PAN3: variants seen among roughly 807,000 people sequenced by gnomAD.
PAN3 encodes the protein PAN2-PAN3 deadenylation complex subunit PAN3.
A neutral mutation model predicts 96.2 loss-of-function variants in PAN3; 19 were observed. The ratio of observed to expected loss-of-function variants is 0.20; its 90% CI spans 0.14 to 0.29. The LOEUF (loss-of-function observed/expected upper bound fraction) is 0.29. Among genes scored for constraint, PAN3 ranks in the 10% least tolerant of loss-of-function variants. The pLI, the probability that PAN3 is intolerant of heterozygous loss-of-function variation, is 1.00. For missense variants in PAN3, 882 were observed against 1,108.1 expected (o/e 0.80, Z 2.90); for synonymous variants, 433 against 406.6 (o/e 1.06, Z -0.78).
At chr13:28,223,350 C>G (rs1881602320) in intron 6 of PAN3, among the ~76,000 whole-genome samples, 6 of 152,008 alleles carry the variant, frequency 3.9e-5, no homozygotes, top group Admixed American at 3.9e-4. Context: ...GCATATTGAA[C>G]CTATGAACAA....
At chr13:28,289,833 G>C (rs1869510991) in intron 18 of PAN3, among the ~76,000 whole-genome samples, 1 of 152,144 alleles carries the variant, frequency 6.6e-6, no homozygotes. Context: ...AGTGAGCCGA[G>C]ATTGGGCCAC....
At chr13:28,241,273 CAAAA>C (rs1883637539) in intron 6 of PAN3, among the ~76,000 whole-genome samples, 1 of 151,952 alleles carries the variant, frequency 6.6e-6, no homozygotes, top group South Asian at 2.1e-4. Context: ...AAAAAAAGGA[CAAAA>C]GAAAGAAAAA....
chr13:28,281,168 G>A, intron 16 of PAN3, 147 bp from the exon 17 acceptor site: 1 of 662,886 alleles, frequency 1.5e-6, no homozygotes, highest in Middle Eastern at 3.9e-4. Context: ...TATTGTGTTT[G>A]TTTAAAAGTA....
intron 2 of PAN3, among the ~76,000 whole-genome samples, chr13:28,175,633 T>C (rs1025100474): frequency 6.6e-6 from 1 of 152,182 alleles, no homozygotes. Context: ...TTTTAACTTA[T>C]TTCGTGTAGA....
chr13:28,180,495 A>G (rs1279947728), intron 4 of PAN3, among the ~76,000 whole-genome samples: 1 of 152,214 alleles, frequency 6.6e-6, no homozygotes, highest in Non-Finnish European at 1.5e-5. Context: ...GACATATTAC[A>G]CATAGTGAAT....
intron 6 of PAN3, among the ~76,000 whole-genome samples, chr13:28,222,154 G>A (rs1381269173): frequency 6.6e-6 from 1 of 152,052 alleles, no homozygotes; most frequent in Non-Finnish European, 1.5e-5. Context: ...AATTGGAGGA[G>A]TTAAAAATAT....
chr13:28,204,859 T>C (rs1297423444), intron 5 of PAN3, among the ~76,000 whole-genome samples: 1 of 152,226 alleles, frequency 6.6e-6, no homozygotes, highest in East Asian at 1.9e-4. Context: ...ATAATATTAC[T>C]ATTGTTTTAG....
intron 2 of PAN3, among the ~76,000 whole-genome samples, chr13:28,175,104 C>T (rs1874793798): frequency 6.6e-6 from 1 of 151,972 alleles, no homozygotes; most frequent in Non-Finnish European, 1.5e-5. Context: ...GGAAAGTATT[C>T]TAGTGTTTTT....
intron 4 of PAN3, among the ~76,000 whole-genome samples, chr13:28,185,721 CTCA>C (rs1396845217): frequency 2.0e-5 from 3 of 151,992 alleles, no homozygotes; most frequent in Admixed American, 2.0e-4. Flanking sequence ...GTTGGCTGTA[CTCA>C]TCATCTAATT....
intron 6 of PAN3, among the ~76,000 whole-genome samples, chr13:28,247,267 G>C (rs187657938): frequency 2.0e-3 from 296 of 151,754 alleles, no homozygotes; most frequent in African/African-American, 6.8e-3. Context: ...CAGACTATTT[G>C]GATTTATTTT....
chr13:28,203,782 C>A (rs950457286), intron 5 of PAN3, among the ~76,000 whole-genome samples: 7 of 151,540 alleles, frequency 4.6e-5, no homozygotes, highest in African/African-American at 1.7e-4. Flanking sequence ...AGTGAGAAAG[C>A]GTCTCTGCTT....
At chr13:28,274,149 G>A (rs574799029) in intron 14 of PAN3, among the ~76,000 whole-genome samples, 1 of 152,206 alleles carries the variant, frequency 6.6e-6, no homozygotes, top group South Asian at 2.1e-4. Flanking sequence ...GGGCAACACA[G>A]GGAGGAATAT....
intron 4 of PAN3, among the ~76,000 whole-genome samples, chr13:28,185,913 A>G (rs149948015): frequency 1.3e-5 from 2 of 152,310 alleles, no homozygotes; most frequent in Non-Finnish European, 2.9e-5. Context: ...GGGGCCTAGC[A>G]TTATTGATAG....
intron 18 of PAN3, among the ~76,000 whole-genome samples, chr13:28,289,462 G>A (rs771133636): frequency 6.6e-5 from 10 of 152,118 alleles, no homozygotes; most frequent in East Asian, 1.9e-4. Flanking sequence ...CCTTTTGGTC[G>A]ATACGGGATT....
chr13:28,218,456 A>G (rs1217506160), intron 5 of PAN3, among the ~76,000 whole-genome samples: 1 of 152,202 alleles, frequency 6.6e-6, no homozygotes, highest in Non-Finnish European at 1.5e-5. Flanking sequence ...GTTTTAGGTC[A>G]TCATTTTCAG....
chr13:28,172,531 G>A lies in PAN3; in HGVS notation c.431-1741G>A, dbSNP rs184603388. 4.6e-5 allele frequency among the ~76,000 whole-genome samples: 7 copies of A among 152,206 alleles called. No individual in the cohort carries two copies. In the East Asian group the frequency reaches 1.4e-3, roughly 29 times the overall value. The stretch of plus-strand genomic sequence containing the variant: ...TGGAAAATTTTAAACTTTGATAAAA[G>A]TAGAGAGGATAGTGTCATCCCTGTC... On this transcript the variant is annotated intron_variant, in intron 1 of 18. Transcript: ENST00000380958.
At chr13:28,232,093 TC>T (rs1882631818) in intron 6 of PAN3, among the ~76,000 whole-genome samples, 1 of 152,170 alleles carries the variant, frequency 6.6e-6, no homozygotes, top group South Asian at 2.1e-4. Flanking sequence ...GAAAACCAGT[TC>T]TTGTTTACTT....
intron 4 of PAN3, among the ~76,000 whole-genome samples, chr13:28,195,723 A>T (rs760674229): frequency 3.4e-4 from 52 of 151,790 alleles, no homozygotes; most frequent in Non-Finnish European, 2.5e-4. Context: ...TTTGGTAGAG[A>T]TGGGCTTTCA....
chr13:28,280,578 T>TA, intron 16 of PAN3, 37 bp downstream of exon 16: 1 of 1,492,934 alleles, frequency 6.7e-7, no homozygotes, highest in Non-Finnish European at 9.0e-7. Flanking sequence ...TTTTTTTTTT[T>TA]TGAGACAGAG....
Sources: allele counts gnomAD v4.1 joint callset (sites outside exome capture counted in the v4.1 genomes callset), GRCh38; gene constraint gnomAD v4.1.1; transcripts MANE v1.5; gene names NCBI Gene and HGNC (gene_info 2026-07-23, HGNC 2026-07-21).